The following LNPEP variants were observed in gnomAD, a reference collection of about 807,000 sequenced individuals.
The protein encoded by LNPEP is leucyl-cystinyl aminopeptidase.
A neutral mutation model predicts 120.6 loss-of-function variants in LNPEP; 64 were observed. The ratio of observed to expected loss-of-function variants is 0.53; its 90% confidence interval spans 0.43 to 0.65. The LOEUF (loss-of-function observed/expected upper bound fraction) is 0.65. Among genes scored for constraint, LNPEP ranks in the 30% least tolerant of loss-of-function variants. The pLI, the probability that LNPEP is intolerant of heterozygous loss-of-function variation, is 0.00. For missense variants in LNPEP, 1,057 were observed against 1,200.0 expected (o/e 0.88, Z 1.76); for synonymous variants, 435 against 425.4 (o/e 1.02, Z -0.28).
chr5:96,971,191 C>G (rs867113157), intron 1 of LNPEP, among the ~76,000 whole-genome samples: 2 of 151,912 alleles, frequency 1.3e-5, no homozygotes, highest in Non-Finnish European at 2.9e-5. Flanking sequence ...TAAAAATGCT[C>G]TATCATCTTC....
At chr5:97,021,923 G>GTTTTTTTTTTT (rs1165456605) in intron 13 of LNPEP, among the ~76,000 whole-genome samples, 9 of 57,194 alleles carry the variant, frequency 1.6e-4, no homozygotes, top group East Asian at 7.2e-4. Context: ...TTTGTCTTTT[G>GTTTTTTTTTTT]TTTTTTTTTT....
At chr5:96,939,762 G>T (rs1216779154) in intron 1 of LNPEP, among the ~76,000 whole-genome samples, 2 of 151,944 alleles carry the variant, frequency 1.3e-5, no homozygotes, top group Non-Finnish European at 2.9e-5. Flanking sequence ...TTCAAAAATG[G>T]GAAGTCTGGG....
chr5:96,939,405 G>C (rs1392947116), intron 1 of LNPEP, among the ~76,000 whole-genome samples: 1 of 151,888 alleles, frequency 6.6e-6, no homozygotes, highest in East Asian at 1.9e-4. Flanking sequence ...GTAGAAATGA[G>C]GTTTCACCAT....
chr5:96,938,316 G>A (rs1581968792), intron 1 of LNPEP, among the ~76,000 whole-genome samples: 1 of 152,218 alleles, frequency 6.6e-6, no homozygotes, highest in Non-Finnish European at 1.5e-5. Context: ...TATCAAGCCT[G>A]GTATTGGATT....
At position 97,035,931 on chromosome 5, in the gene LNPEP, T is replaced by C. The variant is rs561607836; in HGVS notation, c.*7398T>C. 6.6e-6 allele frequency: 1 copy of C among 152,346 alleles called. No homozygotes were observed. The highest frequency in any genetic ancestry group is 1.9e-4 in the East Asian group (1 of 5,192). The allele number at this position is 152,346 out of a possible 1,614,324, so 9.4% of individuals were successfully genotyped here. On this transcript the variant is annotated 3_prime_UTR_variant, in exon 18 of 18. Transcript: ENST00000231368. Reference sequence around the variant, plus strand: ...GGTAGTGAAAAGGGACCTGTGCTTTTGTAAATTCTAGAAAGGCAAGAGGAC... The same window carrying C: ...GGTAGTGAAAAGGGACCTGTGCTTTCGTAAATTCTAGAAAGGCAAGAGGAC...
At position 97,013,738 on chromosome 5, in the gene LNPEP, G is replaced by T. The variant is rs756172471; in HGVS notation, c.2126G>T (p.Trp709Leu). Residue 709 changes from tryptophan (W) to leucine (L), a missense_variant, in exon 12 of 18, where the codon TGG becomes TTG. Trp to Leu is a moderately conservative substitution (Grantham distance 61). Coordinates refer to ENST00000231368, the MANE Select transcript of LNPEP (RefSeq NM_005575.3). ...ATTGTACACTATGCAGATGATGATTGGGAAGCACTAATCCATCAGTTGAAA... is the reference window on the plus strand; with the variant it reads ...ATTGTACACTATGCAGATGATGATTTGGAAGCACTAATCCATCAGTTGAAA... ...YYIVHYADDDWEALIHQLKIN... is the reference protein window; with the variant it reads ...YYIVHYADDDLEALIHQLKIN... The T allele has an allele frequency of 3.1e-6, 5 of 1,610,356 alleles. No individual in the cohort carries two copies. The highest frequency in any genetic ancestry group is 3.4e-6 in the Non-Finnish European group (4 of 1,177,134).
intron 1 of LNPEP, among the ~76,000 whole-genome samples, chr5:96,961,685 A>G (rs547481288): frequency 1.3e-5 from 2 of 152,254 alleles, no homozygotes; most frequent in African/African-American, 4.8e-5. Context: ...ATCCCTGTAT[A>G]TTTGCATATA....
At chr5:96,993,719 T>C in intron 5 of LNPEP, 98 bp from the exon 6 acceptor site, 1 of 1,097,796 alleles carries the variant, frequency 9.1e-7, no homozygotes, top group Non-Finnish European at 1.3e-6. Context: ...TAAAAAGAAT[T>C]CATTGCTTTC....
At chr5:96,967,541 A>T (rs1789759570) in intron 1 of LNPEP, among the ~76,000 whole-genome samples, 1 of 152,116 alleles carries the variant, frequency 6.6e-6, no homozygotes, top group Admixed American at 6.6e-5. Flanking sequence ...TATAAAAAGT[A>T]GTTCTCAAGA....
intron 14 of LNPEP, among the ~76,000 whole-genome samples, chr5:97,023,203 C>T (rs115033009): frequency 0.038 from 5,717 of 152,024 alleles, 185 homozygotes; most frequent in Middle Eastern, 0.11. Context: ...TTTACCATAA[C>T]GTCTTCAAGG....
intron 14 of LNPEP, 69 bp from the exon 15 acceptor site, chr5:97,024,452 A>G: frequency 6.9e-7 from 1 of 1,440,890 alleles, no homozygotes; most frequent in Non-Finnish European, 9.6e-7. Flanking sequence ...ACTCCACCAC[A>G]GCCAACTCTT....
intron 5 of LNPEP, 43 bp downstream of exon 5, chr5:96,993,178 C>T: frequency 1.4e-6 from 2 of 1,392,168 alleles, no homozygotes; most frequent in Middle Eastern, 2.1e-4. Flanking sequence ...ATAATTAGAA[C>T]CTAGATTTAT....
intron 1 of LNPEP, among the ~76,000 whole-genome samples, chr5:96,948,995 T>C (rs1012655418): frequency 6.6e-6 from 1 of 152,220 alleles, no homozygotes; most frequent in African/African-American, 2.4e-5. Context: ...AAAATGTACA[T>C]TCAAAACTTA....
At chr5:96,994,058 C>CTT in intron 6 of LNPEP, 87 bp downstream of exon 6, 67 of 860,698 alleles carry the variant, frequency 7.8e-5, no homozygotes, top group Non-Finnish European at 9.3e-5. Flanking sequence ...GCTAATAATT[C>CTT]TTTTTTTTTT....
In LNPEP at chr5:96,954,878, G is replaced by A. The variant is rs565580935; in HGVS notation, c.19+18704G>A. 4.7e-3 allele frequency among the ~76,000 whole-genome samples: 661 copies of A among 139,938 alleles called. 3 individuals are homozygous for A. Among genetic ancestry groups the A allele is most frequent in the Non-Finnish European group, 6.1e-3 (400 of 65,972 alleles). The allele number at this position is 139,938 out of a possible 152,430, so 91.8% of individuals were successfully genotyped here. On this transcript the variant is annotated intron_variant, in intron 1 of 17. Coordinates refer to ENST00000231368, the MANE Select transcript of LNPEP (RefSeq NM_005575.3). ...GCTCACTGCAAGCTCCGCCTCCTGG[G>A]TTCATGCCATTCTCCTGCCTCGGCC...
chr5:96,949,226 C>G (rs1282221692), intron 1 of LNPEP, among the ~76,000 whole-genome samples: 4 of 152,168 alleles, frequency 2.6e-5, no homozygotes, highest in African/African-American at 9.7e-5. Flanking sequence ...GCATGGGTCC[C>G]CAATTTGCAT....
chr5:97,028,760 A>G lies in LNPEP; in HGVS notation c.*227A>G, dbSNP rs191039803. 1.4e-5 allele frequency: 5 copies of G among 369,054 alleles called. No homozygotes were observed. The highest frequency in any genetic ancestry group is 7.0e-5 in the South Asian group (2 of 28,722). The allele number at this position is 369,054 out of a possible 1,614,324, so 22.9% of individuals were successfully genotyped here. On this transcript the variant is annotated 3_prime_UTR_variant, in exon 18 of 18. Transcript: ENST00000231368. Reference sequence around the variant, plus strand: ...CAAAATTATATTCACCTAAATGCCAACCATCTACAAAAACAATGAGTAATT... The same window carrying G: ...CAAAATTATATTCACCTAAATGCCAGCCATCTACAAAAACAATGAGTAATT...
intron 4 of LNPEP, among the ~76,000 whole-genome samples, chr5:96,989,855 C>T (rs976940631): frequency 7.9e-5 from 12 of 152,148 alleles, no homozygotes; most frequent in Middle Eastern, 3.2e-3. Flanking sequence ...TATTAAACTA[C>T]ATTTTTTCCT....
intron 16 of LNPEP, among the ~76,000 whole-genome samples, chr5:97,027,178 C>A (rs983231680): frequency 6.6e-6 from 1 of 152,030 alleles, no homozygotes; most frequent in East Asian, 1.9e-4. Context: ...ACGGTGAAAC[C>A]CCATTTCCAC....
Sources: gnomAD v4.1 joint callset for allele counts (sites outside exome capture counted in the v4.1 genomes callset) on GRCh38, gnomAD v4.1.1 for gene constraint, MANE v1.5 for transcripts, NCBI Gene and HGNC (gene_info 2026-07-23, HGNC 2026-07-21) for gene names.